LIMD1: variants seen among roughly 807,000 people sequenced by gnomAD.
The protein encoded by LIMD1 is LIM domain-containing protein 1.
LIMD1 carries 23 observed loss-of-function variants against 58.4 expected under a neutral mutation model. That is an observed-to-expected ratio of 0.39 (90% CI 0.28 to 0.56). The LOEUF is 0.56. LIMD1 is among the 20% of genes least tolerant of loss of function. The pLI is 0.57. For synonymous variants in LIMD1, 334 were observed against 345.5 expected (o/e 0.97, Z 0.37); for missense variants, 838 against 855.5 (o/e 0.98, Z 0.25).
At chr3:45,652,965 T>C (rs1701990704) in intron 2 of LIMD1, among the ~76,000 whole-genome samples, 1 of 152,188 alleles carries the variant, frequency 6.6e-6, no homozygotes. Context: ...GCAGCAGTGC[T>C]CAGAACATGG....
intron 2 of LIMD1, among the ~76,000 whole-genome samples, chr3:45,646,207 T>A (rs927400489): frequency 1.4e-4 from 22 of 152,180 alleles, no homozygotes; most frequent in African/African-American, 4.6e-4. Flanking sequence ...TGGGGAAGTG[T>A]GTTCGTGCCC....
intron 1 of LIMD1, among the ~76,000 whole-genome samples, chr3:45,603,623 A>T (rs1398419223): frequency 6.6e-6 from 1 of 152,186 alleles, no homozygotes; most frequent in Non-Finnish European, 1.5e-5. Flanking sequence ...ATGCACACCC[A>T]GGGATATGGG....
Position 45,678,295 on chromosome 3 carries a change from C to T in LIMD1, c.*1236C>T, listed in dbSNP as rs1433256206. The T allele has an allele frequency of 6.6e-6, 1 of 152,662 alleles. No individual in the cohort carries two copies. Among genetic ancestry groups the T allele is most frequent in the African/African-American group, 2.4e-5 (1 of 41,452 alleles). The allele number at this position is 152,662 out of a possible 1,614,324, so 9.5% of individuals were successfully genotyped here. A position where few individuals can be genotyped will look rare whatever the true frequency, so the allele number is the denominator to read the frequency against. ...TTGGCTTTCACACTGGACTCAGATA[C>T]CTTCTTCAGTGTGTTGGAAATCACT... On this transcript the variant is annotated 3_prime_UTR_variant, in exon 8 of 8. Coordinates refer to ENST00000273317, the MANE Select transcript of LIMD1 (RefSeq NM_014240.3).
At chr3:45,631,777 C>T (rs534677970) in intron 1 of LIMD1, among the ~76,000 whole-genome samples, 3 of 152,288 alleles carry the variant, frequency 2.0e-5, no homozygotes, top group Admixed American at 6.5e-5. Flanking sequence ...CACGTGAAGA[C>T]GCTGGCCACC....
Position 45,594,987 on chromosome 3 carries a change from C to A in LIMD1, c.108C>A (p.Gly36=). The A allele has an allele frequency of 2.5e-6, 4 of 1,614,030 alleles. No homozygotes were observed. Among genetic ancestry groups the A allele is most frequent in the Non-Finnish European group, 3.4e-6 (4 of 1,180,046 alleles). The change falls in exon 1 of 8, where the codon GGC becomes GGA. Residue 36 remains glycine, a synonymous_variant. Coordinates refer to ENST00000273317, the MANE Select transcript of LIMD1 (RefSeq NM_014240.3). ...DGLFRVDKGA[G]NNPEFEETRR... ...TCTTCCGAGTGGACAAGGGTGCAGG[C>A]AACAACCCCGAGTTTGAGGAAACTC...
At chr3:45,638,593 A>G (rs1701811659) in intron 2 of LIMD1, among the ~76,000 whole-genome samples, 1 of 152,188 alleles carries the variant, frequency 6.6e-6, no homozygotes, top group African/African-American at 2.4e-5. Flanking sequence ...GCTATTGTGA[A>G]TAGTGTGGTG....
At chr3:45,608,594 C>A (rs1024531371) in intron 1 of LIMD1, among the ~76,000 whole-genome samples, 4 of 152,252 alleles carry the variant, frequency 2.6e-5, no homozygotes, top group African/African-American at 7.2e-5. Context: ...AATCCCAACA[C>A]TTTTGGAGGC....
intron 2 of LIMD1, among the ~76,000 whole-genome samples, chr3:45,639,983 A>T (rs1701826030): frequency 6.6e-6 from 1 of 152,196 alleles, no homozygotes; most frequent in Non-Finnish European, 1.5e-5. Flanking sequence ...ATTTTAACAT[A>T]GGAATTTTAG....
At chr3:45,612,204 C>A (rs1164400922) in intron 1 of LIMD1, among the ~76,000 whole-genome samples, 2 of 152,044 alleles carry the variant, frequency 1.3e-5, no homozygotes, top group Non-Finnish European at 2.9e-5. Context: ...CCCATCCCAG[C>A]CCCCCGAATA....
intron 1 of LIMD1, among the ~76,000 whole-genome samples, chr3:45,633,208 C>T (rs974626057): frequency 6.6e-6 from 1 of 152,166 alleles, no homozygotes; most frequent in Non-Finnish European, 1.5e-5. Flanking sequence ...CCACCCTCCC[C>T]TCCACAGGCA....
chr3:45,626,733 G>A (rs1014006250), intron 1 of LIMD1, among the ~76,000 whole-genome samples: 3 of 152,016 alleles, frequency 2.0e-5, no homozygotes, highest in African/African-American at 4.8e-5. Context: ...TGTGGACTTC[G>A]GGTGATAATG....
At chr3:45,635,356 G>A (rs1244247660) in intron 1 of LIMD1, among the ~76,000 whole-genome samples, 1 of 152,078 alleles carries the variant, frequency 6.6e-6, no homozygotes, top group Non-Finnish European at 1.5e-5. Flanking sequence ...TGAGATGAAA[G>A]CCTCAGGACT....
chr3:45,670,083 T>G (rs927029903), intron 4 of LIMD1, among the ~76,000 whole-genome samples: 6 of 152,082 alleles, frequency 3.9e-5, no homozygotes, highest in Non-Finnish European at 7.4e-5. Context: ...ACGTGGCCCT[T>G]CCCCCATGCT....
intron 2 of LIMD1, among the ~76,000 whole-genome samples, chr3:45,640,009 C>G (rs1452638692): frequency 6.6e-6 from 1 of 152,242 alleles, no homozygotes; most frequent in Non-Finnish European, 1.5e-5. Context: ...CATAGACATT[C>G]AGCCCATTGC....
chr3:45,637,545 C>T (rs1701801389), intron 2 of LIMD1, among the ~76,000 whole-genome samples: 1 of 152,236 alleles, frequency 6.6e-6, no homozygotes, highest in African/African-American at 2.4e-5. Context: ...TCCCAAAGTG[C>T]TGGGATTACA....
At chr3:45,596,485 G>A (rs1701353990) in intron 1 of LIMD1, among the ~76,000 whole-genome samples, 198 bp downstream of exon 1, 1 of 152,202 alleles carries the variant, frequency 6.6e-6, no homozygotes. Context: ...GGGGCAGAAA[G>A]CGGACCTTGC....
At chr3:45,605,546 G>A (rs1205807556) in intron 1 of LIMD1, among the ~76,000 whole-genome samples, 1 of 144,890 alleles carries the variant, frequency 6.9e-6, no homozygotes, top group African/African-American at 2.5e-5. Flanking sequence ...AATGTATCAG[G>A]CACTGTGATT....
intron 2 of LIMD1, among the ~76,000 whole-genome samples, chr3:45,660,277 C>T (rs751608087): frequency 2.0e-5 from 3 of 152,158 alleles, no homozygotes; most frequent in Non-Finnish European, 4.4e-5. Context: ...TGAGTTTACC[C>T]TGCGGGAATT....
At position 45,685,897 on chromosome 3, in the gene LIMD1, AC is replaced by A. The variant is rs1233694963; in HGVS notation, c.*8840del. The A allele has an allele frequency of 6.6e-6, 1 of 151,944 alleles. No homozygotes were observed. Among genetic ancestry groups the A allele is most frequent in the Non-Finnish European group, 1.5e-5 (1 of 68,030 alleles). 9.4% of individuals were successfully genotyped at this position (151,944 alleles called of 1,614,324 possible). On this transcript the variant is annotated 3_prime_UTR_variant, in exon 8 of 8. Coordinates refer to ENST00000273317, the MANE Select transcript of LIMD1 (RefSeq NM_014240.3). ...CCTTTAATCACCTAGCCTTGTTTCC[AC>A]CTGAATTGACTCTCCCTTAGCTAAG...
Sources: allele counts gnomAD v4.1 joint callset (sites outside exome capture counted in the v4.1 genomes callset), GRCh38; gene constraint gnomAD v4.1.1; transcripts MANE v1.5; gene names NCBI Gene and HGNC (gene_info 2026-07-23, HGNC 2026-07-21).